Variants in LLGL1 observed in about 807,000 individuals in gnomAD.
LLGL1 encodes lethal(2) giant larvae protein homolog 1.
A neutral mutation model predicts 110.6 loss-of-function variants in LLGL1; 58 were observed. The observed-to-expected ratio is 0.52, with a 90% CI of 0.42 to 0.65. The LOEUF (loss-of-function observed/expected upper bound fraction) is 0.65. Ranked by LOEUF, LLGL1 falls within the 30% of genes least tolerant of loss-of-function variation. LLGL1 has a pLI of 0.00. For missense variants in LLGL1, 1,229 were observed against 1,462.1 expected, an observed-to-expected ratio of 0.84 and a Z score of 2.60; for synonymous variants, 674 against 607.2, an observed-to-expected ratio of 1.11 and a Z score of -1.62.
In LLGL1 at chr17:18,237,506, T is replaced by TGCC; in HGVS notation, c.1639_1641dup (p.Pro547dup). On this transcript the variant is annotated inframe_insertion, in exon 14 of 23. Coordinates refer to ENST00000316843, the MANE Select transcript of LLGL1 (RefSeq NM_004140.4). ...GTGCTGGTACTGGAGCTTAGTGATG[T>TGCC]GCCGGTGGAGCAGGCGGTCAGCGTG... 1 of 1,595,350 alleles carries TGCC rather than the reference T, an allele frequency of 6.3e-7. No individual in the cohort carries two copies. Among genetic ancestry groups the TGCC allele is most frequent in the East Asian group, 2.3e-5 (1 of 44,408 alleles).
intron 3 of LLGL1, 39 bp from the exon 4 acceptor site, chr17:18,232,633 C>G (rs1211015828): frequency 6.2e-7 from 1 of 1,613,910 alleles, no homozygotes; most frequent in African/African-American, 1.3e-5. Context: ...TACTCATCCC[C>G]CTAGGCCAGC....
chr17:18,238,609 G>A lies in LLGL1; in HGVS notation c.2206G>A (p.Gly736Arg). The stretch of plus-strand genomic sequence containing the variant: ...CTTTGCCGACACATTCCTTCGAGAT[G>A]GTAAGGCAGGGGCAGGGGCAGGGAC... ...LYFADTFLRD[G>R]AHHGPTMWAG... is the part of the protein sequence containing the mutation. The change falls in exon 16 of 23, where the codon GGG becomes AGG. Residue 736 changes from glycine (G) to arginine (R), a missense_variant and splice_region_variant. By Grantham distance (125) the Gly-to-Arg change is moderately radical. Transcript: ENST00000316843. 1 of 1,610,576 alleles carries A rather than the reference G, an allele frequency of 6.2e-7. No individual in the cohort carries two copies. Among genetic ancestry groups the A allele is most frequent in the Non-Finnish European group, 8.5e-7 (1 of 1,179,048 alleles).
At chr17:18,232,373 TGGATGGTCAGGCC>T in intron 2 of LLGL1, 109 bp from the exon 3 acceptor site, 1 of 819,306 alleles carries the variant, frequency 1.2e-6, no homozygotes, top group Non-Finnish European at 1.9e-6. Flanking sequence ...GGAGGACTCC[TGGATGGTCAGGCC>T]CATGCCGGGG....
chr17:18,242,900 C>G (rs967355292), intron 22 of LLGL1, 78 bp downstream of exon 22: 1 of 1,359,416 alleles, frequency 7.4e-7, no homozygotes, highest in Non-Finnish European at 9.9e-7. Context: ...CCATTTGGCC[C>G]TGGTCTTCTA....
rs1169298321 is a variant in LLGL1, at chr17:18,237,121, C to G, written c.1611+182C>G. The G allele has an allele frequency of 9.7e-6, 6 of 618,538 alleles. No individual in the cohort carries two copies. In the African/African-American group the frequency reaches 1.1e-4, roughly 11 times the overall value. 38.3% of individuals were successfully genotyped at this position (618,538 alleles called of 1,614,324 possible). On this transcript the variant is annotated intron_variant, in intron 13 of 22. Coordinates refer to ENST00000316843, the MANE Select transcript of LLGL1 (RefSeq NM_004140.4). ...GAAGTGGGCCTGTCGCTGGGGGAAC[C>G]ACAGTGTTGAGAGGAGGGAACTCAT...
At chr17:18,242,116 C>T (rs1298324620) in intron 19 of LLGL1, 50 bp from the exon 20 acceptor site, 2 of 1,562,986 alleles carry the variant, frequency 1.3e-6, no homozygotes. Context: ...TCTAGCGTGC[C>T]AGCCTCAAGT....
Position 18,237,503 on chromosome 17 carries a change from A to G in LLGL1, c.1634A>G (p.Asp545Gly). 1.3e-6 allele frequency: 2 copies of G among 1,594,238 alleles called. No homozygotes were observed. The highest frequency in any genetic ancestry group is 1.7e-6 in the Non-Finnish European group (2 of 1,167,610). The stretch of plus-strand genomic sequence containing the variant: ...CAGGTGCTGGTACTGGAGCTTAGTG[A>G]TGTGCCGGTGGAGCAGGCGGTCAGC... ...AGQVLVLELS[D>G]VPVEQAVSVA... Residue 545 changes from aspartate to glycine, a missense_variant, in exon 14 of 23, where the codon GAT (aspartate) becomes GGT (glycine). Transcript: ENST00000316843.
chr17:18,232,552 A>G lies in LLGL1; in HGVS notation c.237A>G (p.Thr79=), dbSNP rs760429621. 4 of 1,614,138 alleles carry G rather than the reference A, an allele frequency of 2.5e-6. No homozygotes were observed. In the South Asian group the frequency reaches 4.4e-5, roughly 18 times the overall value. The change falls in exon 3 of 23, where the codon ACA becomes ACG. Residue 79 remains threonine, a synonymous_variant. Coordinates refer to ENST00000316843, the MANE Select transcript of LLGL1 (RefSeq NM_004140.4). ...TGLHRDAATV[T]QMHFLTGQGR... is the part of the protein sequence containing the mutation. ...TGCACCGGGATGCAGCCACTGTCAC[A>G]CAGATGCACTTCTTGACCGGCCAGG...
In LLGL1 at chr17:18,235,080, G is replaced by A. The variant is rs781684501; in HGVS notation, c.1061-9G>A. On this transcript the variant is annotated splice_polypyrimidine_tract_variant and intron_variant, in intron 9 of 22. Transcript: ENST00000316843. ...GCTGTGCTCACCCCATACTCCCTCC[G>A]TCCCACAGAATTTGATGACCCCCAG... 12 of 1,613,674 alleles carry A rather than the reference G, an allele frequency of 7.4e-6. No homozygotes were observed. Among genetic ancestry groups the A allele is most frequent in the Admixed American group, 1.7e-5 (1 of 59,990 alleles).
chr17:18,235,870 C>T (rs1022371299), intron 11 of LLGL1: 21 of 318,474 alleles, frequency 6.6e-5, no homozygotes, highest in Non-Finnish European at 8.8e-5. Context: ...GCCTGGCGGG[C>T]GCTGACGTGC....
In LLGL1 at chr17:18,242,345, C is replaced by T. The variant is rs1018867954; in HGVS notation, c.2995+67C>T. 3.2e-6 allele frequency: 5 copies of T among 1,552,864 alleles called. No individual in the cohort carries two copies. The African/African-American group carries it at 4.1e-5, about 13-fold the overall frequency. ...TGCCCTGGGGGAGGGAGTCGGGACT[C>T]ACATAGCTCAGGGATCGGGCAGGCT... On this transcript the variant is annotated intron_variant, in intron 20 of 22. Coordinates refer to ENST00000316843, the MANE Select transcript of LLGL1 (RefSeq NM_004140.4).
rs771898587 is a variant in LLGL1, at chr17:18,240,326, C to T, written c.2207-252C>T. On this transcript the variant is annotated intron_variant, in intron 16 of 22. Transcript: ENST00000316843. The surrounding 1 kb of genome is among the most constrained non-coding windows in gnomAD (Gnocchi z 5.3). ...TCTGTGCAGATGCGCTACAGCTGTT[C>T]GGGCCTCTGCAGGAGGGCTGCATCC... Among the ~76,000 whole-genome samples the T allele has an allele frequency of 1.3e-5, 2 of 152,058 alleles. No homozygotes were observed. Among genetic ancestry groups the T allele is most frequent in the East Asian group, 1.9e-4 (1 of 5,192 alleles).
intron 20 of LLGL1, 27 bp downstream of exon 20, chr17:18,242,305 A>G (rs748471100): frequency 1.3e-6 from 2 of 1,591,412 alleles, no homozygotes; most frequent in Non-Finnish European, 1.7e-6. Context: ...AGGGGTCCAG[A>G]CCCTGGCCCC....
In LLGL1 at chr17:18,233,899, G is replaced by A. The variant is rs140418988; in HGVS notation, c.514G>A (p.Glu172Lys). 11 of 1,613,326 alleles carry A rather than the reference G, an allele frequency of 6.8e-6. No individual in the cohort carries two copies. In the African/African-American group the frequency reaches 9.3e-5, roughly 14 times the overall value. ...GGATGTTACCACCCTGACCCTGCTC[G>A]AGGGGCAGACGCTTGCCCCAGGCGA... is the stretch of plus-strand genomic sequence containing the variant. ...FLDVTTLTLL[E>K]GQTLAPGEVL... Residue 172 changes from glutamate to lysine, a missense_variant, in exon 5 of 23, where the codon GAG becomes AAG. Transcript: ENST00000316843.
In LLGL1 at chr17:18,242,769, T is replaced by A; in HGVS notation, c.3143T>A (p.Leu1048Gln). Reference protein sequence around the residue: ...LGSSEESEKNLRNLAEDEAHA... With the variant: ...LGSSEESEKNQRNLAEDEAHA... The stretch of plus-strand genomic sequence containing the variant: ...TCCTCTGAGGAGTCAGAGAAGAACC[T>A]GAGGAACCTGGCAGAAGACGAGGCC... The change falls in exon 22 of 23, where the codon CTG (leucine) becomes CAG (glutamine). Residue 1048 changes from leucine (L) to glutamine (Q), a missense_variant. Leu to Gln is a moderately radical substitution (Grantham distance 113). Transcript: ENST00000316843. The A allele has an allele frequency of 6.4e-7, 1 of 1,569,510 alleles. No individual in the cohort carries two copies. Among genetic ancestry groups the A allele is most frequent in the Non-Finnish European group, 8.6e-7 (1 of 1,156,840 alleles).
chr17:18,231,612 G>A (rs1463461628), intron 2 of LLGL1, among the ~76,000 whole-genome samples: 1 of 152,212 alleles, frequency 6.6e-6, no homozygotes, highest in Admixed American at 6.5e-5. Flanking sequence ...CCTCCCTCAT[G>A]ATGGCAGTTG....
Position 18,234,630 on chromosome 17 carries a change from A to G in LLGL1, c.851-19A>G, listed in dbSNP as rs1481821333. On this transcript the variant is annotated intron_variant, in intron 7 of 22. Coordinates refer to ENST00000316843, the MANE Select transcript of LLGL1 (RefSeq NM_004140.4). ...AAGAACCACCAGTGAGTCTGGTCTG[A>G]CGCTGTCCCACCCCTCAGGCCCCTT... The G allele has an allele frequency of 5.6e-6, 9 of 1,613,922 alleles. No homozygotes were observed. The highest frequency in any genetic ancestry group is 2.7e-5 in the African/African-American group (2 of 74,902).
In LLGL1 at chr17:18,240,841, G is replaced by A. The variant is rs1246363175; in HGVS notation, c.2470G>A (p.Ala824Thr). ...AQAPDMQGGHAVLIASEEQFK... is the reference protein window; with the variant it reads ...AQAPDMQGGHTVLIASEEQFK... Reference sequence around the variant, plus strand: ...GGCACCTGACATGCAGGGTGGTCACGCTGTGCTCATCGCATCTGAGGAGCA... The same window carrying A: ...GGCACCTGACATGCAGGGTGGTCACACTGTGCTCATCGCATCTGAGGAGCA... Residue 824 changes from alanine to threonine, a missense_variant, in exon 17 of 23, where the codon GCT (alanine) becomes ACT (threonine). Transcript: ENST00000316843. This position sits in a 1 kb window ranked among gnomAD's most constrained non-coding sequence, Gnocchi z 5.3. 5.1e-6 allele frequency: 8 copies of A among 1,556,132 alleles called. No homozygotes were observed. The highest frequency in any genetic ancestry group is 3.8e-5 in the Admixed American group (2 of 52,972).
rs138562673 is a variant in LLGL1 at position 18,238,144 on chromosome 17, G to A, written c.1982G>A (p.Arg661His). 3.7e-5 allele frequency: 60 copies of A among 1,613,728 alleles called. No individual in the cohort carries two copies. Among genetic ancestry groups the A allele is most frequent in the African/African-American group, 2.1e-4 (16 of 75,068 alleles). ...SRVKSLKKSL[R>H]QSFRRIRKSR... ...GTGAAGTCTCTCAAGAAGTCACTGC[G>A]CCAGTCTTTCCGGCGCATTCGCAAG... Residue 661 changes from arginine to histidine, a missense_variant, in exon 15 of 23, where the codon CGC becomes CAC. Transcript: ENST00000316843.
Sources: gnomAD v4.1 joint callset for allele counts (sites outside exome capture counted in the v4.1 genomes callset) on GRCh38, gnomAD v4.1.1 for gene constraint, Gnocchi (gnomAD v3.1) non-coding constraint, MANE v1.5 for transcripts, NCBI Gene and HGNC (gene_info 2026-07-23, HGNC 2026-07-21) for gene names.